DAB1: variants seen among roughly 807,000 people sequenced by gnomAD.
The protein encoded by DAB1 is DAB adaptor protein 1.
DAB1 carries 15 observed loss-of-function variants against 64.6 expected under a neutral mutation model. That is an observed-to-expected ratio of 0.23 (90% CI 0.16 to 0.36). The LOEUF (loss-of-function observed/expected upper bound fraction) is 0.36, where lower values mean the gene tolerates loss of function less well. Among genes scored for constraint, DAB1 ranks in the 10% least tolerant of loss-of-function variants. The pLI, the probability that DAB1 is intolerant of heterozygous loss-of-function variation, is 1.00. For synonymous variants in DAB1, 235 were observed against 251.9 expected, an observed-to-expected ratio of 0.93 and a Z score of 0.64; for missense variants, 596 against 706.7, an observed-to-expected ratio of 0.84 and a Z score of 1.78.
At chr1:57,787,419 A>G (rs1054674909) in intron 6 of DAB1, among the ~76,000 whole-genome samples, 1 of 152,178 alleles carries the variant, frequency 6.6e-6, no homozygotes, top group Admixed American at 6.6e-5. Flanking sequence ...AATTTAATGG[A>G]GAGAGAATAG....
intron 2 of DAB1, among the ~76,000 whole-genome samples, chr1:57,262,698 G>A (rs1570094994): frequency 6.6e-6 from 1 of 152,304 alleles, no homozygotes; most frequent in East Asian, 1.9e-4. Context: ...CCTTTAAAAG[G>A]TATGGAACCC....
chr1:57,249,820 C>T (rs766090784), intron 2 of DAB1, among the ~76,000 whole-genome samples: 5 of 152,230 alleles, frequency 3.3e-5, no homozygotes, highest in African/African-American at 4.8e-5. Context: ...AACTATTACT[C>T]CATGCAGACT....
intron 1 of DAB1, among the ~76,000 whole-genome samples, chr1:57,832,517 T>C (rs1002384423): frequency 6.6e-6 from 1 of 152,234 alleles, no homozygotes; most frequent in Non-Finnish European, 1.5e-5. Flanking sequence ...GTGCTCTCCA[T>C]TGCTGTGAGA....
At chr1:57,554,658 C>T (rs1313367126) in intron 7 of DAB1, among the ~76,000 whole-genome samples, 1 of 152,176 alleles carries the variant, frequency 6.6e-6, no homozygotes, top group Non-Finnish European at 1.5e-5. Context: ...TAAATAAGAA[C>T]AGCCTCATGT....
chr1:57,662,447 C>G (rs11207090), intron 6 of DAB1, among the ~76,000 whole-genome samples: 39,441 of 152,098 alleles, frequency 0.26, 5,359 homozygotes, highest in Admixed American at 0.34. Context: ...CCGCCCATCT[C>G]CACCTCCCAA....
At chr1:57,471,876 G>T (rs1001946840) in intron 7 of DAB1, among the ~76,000 whole-genome samples, 14 of 152,160 alleles carry the variant, frequency 9.2e-5, no homozygotes, top group Non-Finnish European at 1.6e-4. Context: ...CATTTTAGAT[G>T]AGTTTAATGT....
intron 1 of DAB1, among the ~76,000 whole-genome samples, chr1:57,315,766 T>C (rs2100747993): frequency 6.6e-6 from 1 of 152,136 alleles, no homozygotes; most frequent in East Asian, 1.9e-4. Flanking sequence ...CTTCCCAAAG[T>C]GCTGGGATTA....
intron 14 of DAB1, among the ~76,000 whole-genome samples, chr1:57,003,448 C>G (rs1287513191): frequency 6.6e-6 from 1 of 152,044 alleles, no homozygotes; most frequent in African/African-American, 2.4e-5. Context: ...GTTGGGTGAC[C>G]TGTGCAGTTA....
intron 2 of DAB1, among the ~76,000 whole-genome samples, chr1:57,246,189 G>T (rs566730678): frequency 6.6e-6 from 1 of 152,138 alleles, no homozygotes; most frequent in South Asian, 2.1e-4. Context: ...AGAGATCTTC[G>T]CAGCAGCCTC....
intron 2 of DAB1, among the ~76,000 whole-genome samples, chr1:57,234,714 G>A (rs1410487048): frequency 6.6e-6 from 1 of 152,114 alleles, no homozygotes; most frequent in Non-Finnish European, 1.5e-5. Flanking sequence ...TCAAGGTATT[G>A]ACCAGGCTAG....
intron 5 of DAB1, among the ~76,000 whole-genome samples, chr1:57,912,571 T>C (rs1032045242): frequency 2.0e-5 from 3 of 152,192 alleles, no homozygotes; most frequent in South Asian, 2.1e-4. Context: ...CTATTCAACA[T>C]AGTGTTGGAA....
chr1:58,373,111 T>C (rs1169675879), intron 3 of DAB1, among the ~76,000 whole-genome samples: 2 of 151,968 alleles, frequency 1.3e-5, no homozygotes, highest in Non-Finnish European at 2.9e-5. Flanking sequence ...CTTAAAATAA[T>C]AAAAATTAAT....
intron 1 of DAB1, among the ~76,000 whole-genome samples, chr1:57,377,348 G>A (rs1257712311): frequency 6.6e-6 from 1 of 151,832 alleles, no homozygotes; most frequent in Admixed American, 6.6e-5. Flanking sequence ...TCTCAAATGT[G>A]GTCTAGGTAT....
At chr1:57,369,616 A>G (rs185328853) in intron 1 of DAB1, among the ~76,000 whole-genome samples, 190 of 152,288 alleles carry the variant, frequency 1.2e-3, no homozygotes, top group Middle Eastern at 3.4e-3. Context: ...TAATTATATC[A>G]GCTCATTGAA....
chr1:58,213,272 C>T (rs951676431), intron 4 of DAB1, among the ~76,000 whole-genome samples: 3 of 152,138 alleles, frequency 2.0e-5, no homozygotes, highest in Non-Finnish European at 4.4e-5. Flanking sequence ...TATTCCAATC[C>T]AGACATTTCA....
chr1:58,178,442 C>T (rs1656605060), intron 4 of DAB1, among the ~76,000 whole-genome samples: 2 of 152,058 alleles, frequency 1.3e-5, no homozygotes, highest in African/African-American at 2.4e-5. Context: ...AGGATCTTTC[C>T]GGAAATAATC....
chr1:58,357,064 A>G (rs1056029178), intron 3 of DAB1, among the ~76,000 whole-genome samples: 1 of 145,350 alleles, frequency 6.9e-6, no homozygotes, highest in African/African-American at 2.5e-5. Flanking sequence ...AGTTTTTTTT[A>G]TTATATTCTA....
chr1:57,960,655 A>G (rs988600531), intron 5 of DAB1, among the ~76,000 whole-genome samples: 17 of 152,254 alleles, frequency 1.1e-4, no homozygotes, highest in African/African-American at 3.9e-4. Context: ...TGTAAGTGCT[A>G]GATTTCAGAG....
intron 7 of DAB1, among the ~76,000 whole-genome samples, chr1:57,463,157 A>G (rs1686843050): frequency 6.6e-6 from 1 of 152,164 alleles, no homozygotes; most frequent in African/African-American, 2.4e-5. Context: ...TGAGGTACCA[A>G]CTGTACCACT....
Sources: allele counts gnomAD v4.1 joint callset (sites outside exome capture counted in the v4.1 genomes callset), GRCh38; gene constraint gnomAD v4.1.1; transcripts MANE v1.5; gene names NCBI Gene and HGNC (gene_info 2026-07-23, HGNC 2026-07-21).